Variants in CDC42 observed in about 807,000 individuals in gnomAD.
CDC42 encodes the protein cell division control protein 42 homolog.
CDC42 carries 1 observed loss-of-function variant against 20.8 expected under a neutral mutation model. The observed-to-expected ratio is 0.05, with a 90% CI of 0.02 to 0.23. CDC42 has a LOEUF of 0.23. Among genes scored for constraint, CDC42 ranks in the 10% least tolerant of loss-of-function variants. The pLI is 1.00. For synonymous variants in CDC42, 72 were observed against 84.8 expected (o/e 0.85, Z 0.83); for missense variants, 49 against 227.9 (o/e 0.21, Z 5.05).
chr1:22,077,602 T>G (rs1645565328), intron 1 of CDC42, among the ~76,000 whole-genome samples: 1 of 152,194 alleles, frequency 6.6e-6, no homozygotes, highest in Admixed American at 6.5e-5. Flanking sequence ...AGATTCCAAT[T>G]TCATAGAAGT....
At chr1:22,078,886 C>CA in intron 2 of CDC42, 1 of 1,000,592 alleles carries the variant, frequency 1.0e-6, no homozygotes, top group Non-Finnish European at 1.3e-6. Flanking sequence ...AATGAGGTGA[C>CA]TTTTTTTTTT....
chr1:22,069,170 CTTTTTTTTTTTT>C (rs71724070), intron 1 of CDC42, among the ~76,000 whole-genome samples: 6 of 80,816 alleles, frequency 7.4e-5, no homozygotes, highest in South Asian at 4.9e-4. Flanking sequence ...CATTTTATTC[CTTTTTTTTTTTT>C]TTTTTTTTTT....
chr1:22,089,262 C>T (rs958736472), intron 5 of CDC42, among the ~76,000 whole-genome samples: 10 of 152,266 alleles, frequency 6.6e-5, no homozygotes, highest in East Asian at 1.9e-4. Flanking sequence ...TCTTAATCCC[C>T]GTAAGATCTG....
intron 2 of CDC42, chr1:22,078,904 T>A: frequency 1.0e-6 from 1 of 994,500 alleles, no homozygotes; most frequent in Non-Finnish European, 1.3e-6. Context: ...TTTTTTTTTT[T>A]GATATTTTGG....
chr1:22,057,617 C>T (rs886280990), intron 1 of CDC42, among the ~76,000 whole-genome samples: 1 of 152,130 alleles, frequency 6.6e-6, no homozygotes, highest in Non-Finnish European at 1.5e-5. Flanking sequence ...CTCCTGACCT[C>T]AGGTGATCCG....
At chr1:22,072,222 C>T (rs974892556) in intron 1 of CDC42, among the ~76,000 whole-genome samples, 15 of 150,834 alleles carry the variant, frequency 9.9e-5, no homozygotes, top group African/African-American at 3.4e-4. Context: ...CTCAGCCTCC[C>T]GAGTAGCTGG....
rs16826533 is a variant in CDC42 at position 22,086,088 on chromosome 1, C to T, written c.179-351C>T. Reference sequence around the variant, plus strand: ...CTTGAACTCCTGACCTCAGGTGATCCGCCTGTCTCGGCCTCCCAAAGTGCT... The same window carrying T: ...CTTGAACTCCTGACCTCAGGTGATCTGCCTGTCTCGGCCTCCCAAAGTGCT... On this transcript the variant is annotated intron_variant, in intron 3 of 5. Transcript: ENST00000656825. Among the ~76,000 whole-genome samples, 752 of 152,194 alleles carry T rather than the reference C, an allele frequency of 4.9e-3. 7 individuals carry two copies. Among genetic ancestry groups the T allele is most frequent in the African/African-American group, 0.016 (680 of 41,522 alleles).
chr1:22,054,922 T>TATATATATATA (rs1557890193), intron 1 of CDC42, among the ~76,000 whole-genome samples: 121 of 7,764 alleles, frequency 0.016, no homozygotes, highest in East Asian at 0.029. Context: ...TATATATATA[T>TATATATATATA]TTTTTTTTTT....
chr1:22,090,107 A>T (rs1176410243), intron 5 of CDC42: 1 of 1,551,994 alleles, frequency 6.4e-7, no homozygotes, highest in Non-Finnish European at 8.7e-7. Flanking sequence ...AAACAAAGGA[A>T]TAAAACCATC....
chr1:22,097,079 C>G lies in CDC42; in HGVS notation c.*5562C>G, dbSNP rs1430968745. ...GTCACAATCACAGAATTGAGACTAG[C>G]TAGTTTAAATCCCTGCATCTTGCAC... is the stretch of plus-strand genomic sequence containing the variant. On this transcript the variant is annotated 3_prime_UTR_variant, in exon 6 of 6. Coordinates refer to ENST00000656825, the MANE Select transcript of CDC42 (RefSeq NM_001791.4). Among the ~76,000 whole-genome samples the G allele has an allele frequency of 6.6e-6, 1 of 152,218 alleles. No homozygotes were observed. The highest frequency in any genetic ancestry group is 1.5e-5 in the Non-Finnish European group (1 of 68,038).
chr1:22,065,273 C>T (rs1304464763), intron 1 of CDC42, among the ~76,000 whole-genome samples: 3 of 152,144 alleles, frequency 2.0e-5, no homozygotes, highest in Admixed American at 2.0e-4. Context: ...TAGGTTATTT[C>T]GTCTCTTAAA....
chr1:22,057,674 A>C (rs889762632), intron 1 of CDC42, among the ~76,000 whole-genome samples: 1 of 150,400 alleles, frequency 6.6e-6, no homozygotes, highest in African/African-American at 2.4e-5. Flanking sequence ...ATAAGCCACT[A>C]TGTCTAGCCC....
At position 22,086,428 on chromosome 1, in the gene CDC42, C is replaced by CT; in HGVS notation, c.179-5dup. Reference sequence around the variant, plus strand: ...TTGCTGAATTCTCTCCAATATTTTTCTTTTTTCTAGGGCAAGAGGATTATG... The same window carrying CT: ...TTGCTGAATTCTCTCCAATATTTTTCTTTTTTTCTAGGGCAAGAGGATTATG... On this transcript the variant is annotated splice_polypyrimidine_tract_variant and intron_variant, in intron 3 of 5. Transcript: ENST00000656825. 6 of 1,565,326 alleles carry CT rather than the reference C, an allele frequency of 3.8e-6. No homozygotes were observed. Among genetic ancestry groups the CT allele is most frequent in the South Asian group, 1.2e-5 (1 of 85,682 alleles).
intron 1 of CDC42, among the ~76,000 whole-genome samples, chr1:22,062,060 C>T (rs1274427174): frequency 2.0e-5 from 3 of 151,840 alleles, no homozygotes; most frequent in Admixed American, 6.6e-5. Context: ...CTCAGCCTCC[C>T]GAGTAGCTGG....
chr1:22,072,440 C>G (rs139291752), intron 1 of CDC42, among the ~76,000 whole-genome samples: 4 of 151,954 alleles, frequency 2.6e-5, no homozygotes, highest in South Asian at 2.1e-4. Context: ...GTACAACTCA[C>G]GAACAGCCAA....
intron 1 of CDC42, among the ~76,000 whole-genome samples, chr1:22,074,711 C>A (rs1344814992): frequency 6.6e-6 from 1 of 152,206 alleles, no homozygotes; most frequent in Non-Finnish European, 1.5e-5. Context: ...AGCCACTGTG[C>A]TCTTTAATAC....
At chr1:22,084,813 A>G (rs1162508426) in intron 3 of CDC42, among the ~76,000 whole-genome samples, 1 of 152,002 alleles carries the variant, frequency 6.6e-6, no homozygotes, top group Non-Finnish European at 1.5e-5. Context: ...TTTTGAGTTA[A>G]TTTTAGTATA....
At chr1:22,078,628 T>A (rs1341975977) in intron 2 of CDC42, 45 bp downstream of exon 2, 44 of 1,566,044 alleles carry the variant, frequency 2.8e-5, no homozygotes, top group Non-Finnish European at 3.7e-5. Context: ...TTGTAAAATT[T>A]GATATCCTTT....
chr1:22,081,815 A>G lies in CDC42; in HGVS notation c.178+21A>G, dbSNP rs368453240. 117 of 1,493,432 alleles carry G rather than the reference A, an allele frequency of 7.8e-5. 2 individuals are homozygous for G. Among genetic ancestry groups the G allele is most frequent in the Non-Finnish European group, 1.0e-4 (112 of 1,072,812 alleles). 92.5% of individuals were successfully genotyped at this position (1,493,432 alleles called of 1,614,324 possible). A position where few individuals can be genotyped will look rare whatever the true frequency, so the allele number is the denominator to read the frequency against. ...TGCAGGTGAAAACTTAATGTCTTTT[A>G]TACTGTTTTGATCTTTAACAGTTGC... On this transcript the variant is annotated intron_variant, in intron 3 of 5. Coordinates refer to ENST00000656825, the MANE Select transcript of CDC42 (RefSeq NM_001791.4).
Sources: allele counts gnomAD v4.1 joint callset (sites outside exome capture counted in the v4.1 genomes callset), GRCh38; gene constraint gnomAD v4.1.1; transcripts MANE v1.5; gene names NCBI Gene and HGNC (gene_info 2026-07-23, HGNC 2026-07-21).